STAB2: variants seen among roughly 807,000 people sequenced by gnomAD.
STAB2 encodes stabilin-2.
In STAB2, 288 loss-of-function variants were observed where a neutral mutation model predicts 338.1. The ratio of observed to expected loss-of-function variants is 0.85; its 90% CI spans 0.77 to 0.94. The LOEUF (loss-of-function observed/expected upper bound fraction) is 0.94, where lower values mean the gene tolerates loss of function less well. Among genes scored for constraint, STAB2 ranks in the 40% least tolerant of loss-of-function variants. The probability of loss-of-function intolerance (pLI) is 0.00; values close to 1 mark genes in which losing one functional copy is unlikely to be tolerated. For synonymous variants in STAB2, 1,202 were observed against 1,193.3 expected (o/e 1.01, Z -0.15); for missense variants, 3,141 against 3,210.1 (o/e 0.98, Z 0.52).
In STAB2 at chr12:103,638,223, G is replaced by A. The variant is rs1436443542; in HGVS notation, c.906+11G>A. On this transcript the variant is annotated intron_variant, in intron 8 of 68. Coordinates refer to ENST00000388887, the MANE Select transcript of STAB2 (RefSeq NM_017564.10). The stretch of plus-strand genomic sequence containing the variant: ...GATGGGCCTGGACAGGTGAGCAAAT[G>A]ATGCAGGGAACTGATGTATCTAGAA... The A allele has an allele frequency of 6.2e-7, 1 of 1,610,964 alleles. No individual in the cohort carries two copies. Among genetic ancestry groups the A allele is most frequent in the South Asian group, 1.1e-5 (1 of 90,606 alleles).
At chr12:103,742,594 G>T (rs1471429668) in intron 56 of STAB2, 40 bp downstream of exon 56, 2 of 1,612,190 alleles carry the variant, frequency 1.2e-6, no homozygotes, top group East Asian at 2.2e-5. Context: ...CTTGTTTTTT[G>T]ACTGTGTGCT....
intron 3 of STAB2, among the ~76,000 whole-genome samples, chr12:103,598,787 A>T (rs1036087647): frequency 3.9e-5 from 6 of 152,200 alleles, no homozygotes; most frequent in African/African-American, 1.4e-4. Context: ...GCCAGCTCAT[A>T]AAAAATCAAG....
At chr12:103,738,947 A>AGT (rs938677378) in intron 53 of STAB2, among the ~76,000 whole-genome samples, 12 of 152,004 alleles carry the variant, frequency 7.9e-5, no homozygotes, top group African/African-American at 2.7e-4. Context: ...TGGCAAAGTT[A>AGT]GTGTGTGTGT....
intron 36 of STAB2, 49 bp from the exon 37 acceptor site, chr12:103,705,583 A>G (rs775274669): frequency 8.9e-6 from 14 of 1,573,340 alleles, no homozygotes; most frequent in Non-Finnish European, 1.2e-5. Flanking sequence ...CGGAGACTGG[A>G]AAACTTTTTC....
At chr12:103,591,858 A>G (rs1205007379) in intron 2 of STAB2, among the ~76,000 whole-genome samples, 1 of 152,240 alleles carries the variant, frequency 6.6e-6, no homozygotes, top group Non-Finnish European at 1.5e-5. Context: ...ATGGGGCTCA[A>G]CTGCAAATGC....
At chr12:103,744,949 C>A (rs1882900394) in intron 56 of STAB2, among the ~76,000 whole-genome samples, 1 of 152,154 alleles carries the variant, frequency 6.6e-6, no homozygotes, top group African/African-American at 2.4e-5. Context: ...AGAACAGGGA[C>A]CTTCTCTATT....
At chr12:103,763,652 A>G in intron 68 of STAB2, 44 bp downstream of exon 68, 2 of 1,529,180 alleles carry the variant, frequency 1.3e-6, no homozygotes, top group Non-Finnish European at 1.8e-6. Context: ...CTTGGGGTAC[A>G]GGGGAATGAT....
At chr12:103,669,839 C>T (rs1278814970) in intron 21 of STAB2, among the ~76,000 whole-genome samples, 1 of 152,156 alleles carries the variant, frequency 6.6e-6, no homozygotes, top group Non-Finnish European at 1.5e-5. Context: ...CTCTAGTCTG[C>T]TTCTCTATTG....
rs191057957 is a variant in STAB2 at position 103,685,245 on chromosome 12, G to A, written c.2997+161G>A. ...ATGACATACATGCTCTGTGGGTCAC[G>A]TTTTCTACAGGCTGAAGGCAGCTGG... On this transcript the variant is annotated intron_variant, in intron 27 of 68. Coordinates refer to ENST00000388887, the MANE Select transcript of STAB2 (RefSeq NM_017564.10). 8.5e-5 allele frequency among the ~76,000 whole-genome samples: 13 copies of A among 152,270 alleles called. No homozygotes were observed. In the East Asian group the frequency reaches 1.9e-3, roughly 23 times the overall value.
At chr12:103,749,246 C>CT in intron 59 of STAB2, 90 bp downstream of exon 59, 2 of 1,339,068 alleles carry the variant, frequency 1.5e-6, no homozygotes, top group South Asian at 3.3e-5. Flanking sequence ...TGCTTATCTC[C>CT]TGGACTCTTC....
At chr12:103,715,978 G>T (rs149481529) in intron 43 of STAB2, 90 bp downstream of exon 43, 1 of 1,369,994 alleles carries the variant, frequency 7.3e-7, no homozygotes, top group Non-Finnish European at 1.0e-6. Flanking sequence ...GGCTGAGAAC[G>T]GACCTCTAAA....
chr12:103,707,119 T>A, intron 38 of STAB2, 132 bp downstream of exon 38: 1 of 892,158 alleles, frequency 1.1e-6, no homozygotes, highest in Non-Finnish European at 1.7e-6. Flanking sequence ...CACCTGCTAC[T>A]ATCACTGTGA....
At chr12:103,657,364 C>T (rs1874272084) in intron 15 of STAB2, among the ~76,000 whole-genome samples, 1 of 151,878 alleles carries the variant, frequency 6.6e-6, no homozygotes, top group East Asian at 1.9e-4. Flanking sequence ...AGTTCTATGA[C>T]ACACTTAAAA....
In STAB2 at chr12:103,719,150, G is replaced by T. The variant is rs573062720; in HGVS notation, c.4683+1309G>T. ...CCAGGCCTGGTACCTGCAAAGGGAT[G>T]AGATAAGCCTGCTGACCCAGCCTGT... is the stretch of plus-strand genomic sequence containing the variant. On this transcript the variant is annotated intron_variant, in intron 44 of 68. Transcript: ENST00000388887. 1.7e-4 allele frequency among the ~76,000 whole-genome samples: 26 copies of T among 152,304 alleles called. No individual in the cohort carries two copies. The South Asian group carries it at 5.2e-3, about 30-fold the overall frequency.
intron 3 of STAB2, among the ~76,000 whole-genome samples, chr12:103,614,034 G>C (rs548293677): frequency 1.3e-5 from 2 of 152,086 alleles, no homozygotes; most frequent in South Asian, 4.2e-4. Flanking sequence ...TGAATACATA[G>C]AGTACAGTTA....
intron 39 of STAB2, among the ~76,000 whole-genome samples, chr12:103,709,317 G>A (rs1385685055): frequency 6.6e-6 from 1 of 152,232 alleles, no homozygotes; most frequent in Non-Finnish European, 1.5e-5. Flanking sequence ...GAGGAGGGTT[G>A]ATGAGAAAAG....
intron 60 of STAB2, among the ~76,000 whole-genome samples, chr12:103,752,468 C>T (rs1485233567): frequency 6.6e-6 from 1 of 152,174 alleles, no homozygotes; most frequent in Admixed American, 6.5e-5. Flanking sequence ...AAAAATGTGA[C>T]TTGCTTCTTG....
intron 18 of STAB2, among the ~76,000 whole-genome samples, chr12:103,663,584 G>A (rs1488836321): frequency 6.6e-6 from 1 of 152,062 alleles, no homozygotes; most frequent in Admixed American, 6.5e-5. Context: ...CTGGACTTAA[G>A]CGATCCTCTC....
At chr12:103,645,786 A>T (rs978535896) in intron 9 of STAB2, among the ~76,000 whole-genome samples, 1 of 150,688 alleles carries the variant, frequency 6.6e-6, no homozygotes. Flanking sequence ...TTGGCCAGAC[A>T]GTTCTTTGTT....
Sources: gnomAD v4.1 joint callset for allele counts (sites outside exome capture counted in the v4.1 genomes callset) on GRCh38, gnomAD v4.1.1 for gene constraint, MANE v1.5 for transcripts, NCBI Gene and HGNC (gene_info 2026-07-23, HGNC 2026-07-21) for gene names.